WWOX: variants seen among roughly 807,000 people sequenced by gnomAD.
WWOX encodes the protein WW domain-containing oxidoreductase.
WWOX carries 69 observed loss-of-function variants against 46.2 expected under a neutral mutation model. The observed-to-expected ratio is 1.49, with a 90% CI of 1.23 to 1.82. WWOX has a LOEUF of 1.82. Ranked by LOEUF, WWOX falls within the 40% of genes most tolerant of loss-of-function variation. WWOX has a pLI of 0.00. For missense variants in WWOX, 919 were observed against 542.6 expected, an observed-to-expected ratio of 1.69 and a Z score of -6.89; for synonymous variants, 359 against 202.6, an observed-to-expected ratio of 1.77 and a Z score of -6.56.
chr16:78,704,107 C>G (rs941726536), intron 8 of WWOX, among the ~76,000 whole-genome samples: 10 of 151,762 alleles, frequency 6.6e-5, no homozygotes, highest in African/African-American at 2.2e-4. Flanking sequence ...CCACCCAGCA[C>G]GTCATGGTGG....
At chr16:79,031,364 C>G (rs2047750389) in intron 8 of WWOX, among the ~76,000 whole-genome samples, 1 of 152,108 alleles carries the variant, frequency 6.6e-6, no homozygotes, top group East Asian at 1.9e-4. Flanking sequence ...CTACACAGCT[C>G]CTGCCTCCTT....
intron 8 of WWOX, among the ~76,000 whole-genome samples, chr16:78,663,642 G>A (rs2047266167): frequency 6.6e-6 from 1 of 152,146 alleles, no homozygotes. Flanking sequence ...TAGCAGTGAT[G>A]TCTATGACAT....
chr16:79,167,242 A>T (rs1057117718), intron 8 of WWOX, among the ~76,000 whole-genome samples: 11 of 152,226 alleles, frequency 7.2e-5, no homozygotes, highest in African/African-American at 2.7e-4. Flanking sequence ...ATGCCCGGCC[A>T]TCAGAAATAT....
At chr16:78,100,460 C>T (rs971734167) in intron 1 of WWOX, among the ~76,000 whole-genome samples, 1 of 152,172 alleles carries the variant, frequency 6.6e-6, no homozygotes, top group Non-Finnish European at 1.5e-5. Flanking sequence ...CACCATGTTG[C>T]CCAGGCTGGT....
intron 8 of WWOX, among the ~76,000 whole-genome samples, chr16:79,122,929 G>A (rs1442461135): frequency 6.6e-6 from 1 of 152,174 alleles, no homozygotes; most frequent in African/African-American, 2.4e-5. Context: ...GCAGCAATGG[G>A]ACCCTTGCCG....
chr16:78,357,462 A>G (rs1310924911), intron 5 of WWOX, among the ~76,000 whole-genome samples: 3 of 152,046 alleles, frequency 2.0e-5, no homozygotes, highest in East Asian at 1.9e-4. Flanking sequence ...GATTGAATCA[A>G]CCACTTGGTC....
At chr16:78,905,052 C>G (rs2044926586) in intron 8 of WWOX, among the ~76,000 whole-genome samples, 1 of 152,118 alleles carries the variant, frequency 6.6e-6, no homozygotes, top group African/African-American at 2.4e-5. Context: ...ATGCTTTCAG[C>G]TAGAAATGTG....
intron 5 of WWOX, among the ~76,000 whole-genome samples, chr16:78,321,414 A>ATG (rs1261949056): frequency 8.9e-5 from 12 of 134,190 alleles, no homozygotes; most frequent in South Asian, 2.4e-4. Flanking sequence ...GTATATATAT[A>ATG]TGTGTGTATA....
At chr16:79,033,902 C>T (rs2047815435) in intron 8 of WWOX, among the ~76,000 whole-genome samples, 2 of 152,232 alleles carry the variant, frequency 1.3e-5, no homozygotes, top group African/African-American at 2.4e-5. Flanking sequence ...CACCATCAAA[C>T]AGGCATAGCT....
chr16:78,914,091 G>A (rs886508353), intron 8 of WWOX, among the ~76,000 whole-genome samples: 2 of 152,034 alleles, frequency 1.3e-5, no homozygotes, highest in African/African-American at 4.8e-5. Context: ...GTATCATTCT[G>A]ATGTAGGGAG....
chr16:79,001,758 G>C (rs575521333), intron 8 of WWOX, among the ~76,000 whole-genome samples: 1 of 152,200 alleles, frequency 6.6e-6, no homozygotes, highest in East Asian at 1.9e-4. Flanking sequence ...TTTGTGCAGT[G>C]GGAAGTTGGA....
chr16:78,858,548 A>G (rs1029741245), intron 8 of WWOX, among the ~76,000 whole-genome samples: 1 of 152,158 alleles, frequency 6.6e-6, no homozygotes, highest in Non-Finnish European at 1.5e-5. Flanking sequence ...GGTGATAAAC[A>G]GTAATTATAA....
At chr16:78,315,560 G>A (rs1597472931) in intron 5 of WWOX, among the ~76,000 whole-genome samples, 1 of 152,148 alleles carries the variant, frequency 6.6e-6, no homozygotes. Flanking sequence ...TGAGGCAGGC[G>A]AATCGCTTGA....
intron 8 of WWOX, among the ~76,000 whole-genome samples, chr16:78,916,153 C>G (rs1238816307): frequency 5.9e-5 from 9 of 152,284 alleles, no homozygotes; most frequent in Non-Finnish European, 1.5e-5. Flanking sequence ...TAAAACAATG[C>G]TCTCAGCCGA....
intron 8 of WWOX, among the ~76,000 whole-genome samples, chr16:79,069,563 T>TG (rs1567528651): frequency 2.0e-5 from 3 of 151,976 alleles, no homozygotes; most frequent in Non-Finnish European, 2.9e-5. Context: ...GGTAGGTTTT[T>TG]TTTTTTTTTT....
chr16:78,750,287 G>A (rs1417083730), intron 8 of WWOX, among the ~76,000 whole-genome samples: 2 of 152,140 alleles, frequency 1.3e-5, no homozygotes, highest in African/African-American at 4.8e-5. Flanking sequence ...CTGCAGGACA[G>A]AAATGAGAGG....
intron 8 of WWOX, among the ~76,000 whole-genome samples, chr16:78,993,241 G>A (rs2046923116): frequency 2.0e-5 from 3 of 151,930 alleles, no homozygotes; most frequent in South Asian, 2.1e-4. Flanking sequence ...CGAGGATAAC[G>A]GCGCCGAAAC....
chr16:78,415,446 CT>C (rs1387241128), intron 6 of WWOX, among the ~76,000 whole-genome samples: 1 of 152,106 alleles, frequency 6.6e-6, no homozygotes, highest in Non-Finnish European at 1.5e-5. Context: ...CTATGTTATC[CT>C]GTAACTTAGA....
chr16:78,634,788 G>GT (rs1222196449), intron 8 of WWOX, among the ~76,000 whole-genome samples: 4 of 149,266 alleles, frequency 2.7e-5, no homozygotes, highest in East Asian at 2.0e-4. Flanking sequence ...AGGGCCAATA[G>GT]TTTAGAGGCT....
Sources: allele counts gnomAD v4.1 joint callset (sites outside exome capture counted in the v4.1 genomes callset), GRCh38; gene constraint gnomAD v4.1.1; transcripts MANE v1.5; gene names NCBI Gene and HGNC (gene_info 2026-07-23, HGNC 2026-07-21).